The following TMEM181 variants were observed in gnomAD, a reference collection of about 807,000 sequenced individuals.
TMEM181 encodes the protein transmembrane protein 181.
In TMEM181, 39 loss-of-function variants were observed where a neutral mutation model predicts 71.9. The observed-to-expected ratio is 0.54, with a 90% CI of 0.42 to 0.71. The LOEUF (loss-of-function observed/expected upper bound fraction) is 0.71. Among genes scored for constraint, TMEM181 ranks in the 30% least tolerant of loss-of-function variants. The pLI is 0.00. For synonymous variants in TMEM181, 245 were observed against 228.8 expected, an observed-to-expected ratio of 1.07 and a Z score of -0.64; for missense variants, 595 against 583.0, an observed-to-expected ratio of 1.02 and a Z score of -0.21.
chr6:158,576,224 T>TA (rs1177384341), intron 2 of TMEM181, among the ~76,000 whole-genome samples: 3 of 152,206 alleles, frequency 2.0e-5, no homozygotes, highest in Non-Finnish European at 2.9e-5. Flanking sequence ...CAGTAGCAGG[T>TA]ACCCATCTTC....
At chr6:158,540,497 G>A (rs1389990322) in intron 1 of TMEM181, among the ~76,000 whole-genome samples, 1 of 152,182 alleles carries the variant, frequency 6.6e-6, no homozygotes, top group Non-Finnish European at 1.5e-5. Flanking sequence ...ATGGACAAAG[G>A]TAGCAGAGCG....
At chr6:158,545,703 T>C (rs2362571) in intron 1 of TMEM181, among the ~76,000 whole-genome samples, 138,980 of 151,438 alleles carry the variant, frequency 0.92, 63,856 homozygotes, top group East Asian at 1. Flanking sequence ...TTTTTAGAGA[T>C]GGGGTCTCAC....
At position 158,625,683 on chromosome 6, in the gene TMEM181, T is replaced by C. The variant is rs763105757; in HGVS notation, c.1058-20T>C. The C allele has an allele frequency of 6.3e-7, 1 of 1,594,800 alleles. No individual in the cohort carries two copies. Among genetic ancestry groups the C allele is most frequent in the Admixed American group, 1.8e-5 (1 of 54,934 alleles). Reference sequence around the variant, plus strand: ...TGGAATTTACTTCCAGAGTTGTTAATGAGTTTCTTTCTTTTTCAGATCTCA... The same window carrying C: ...TGGAATTTACTTCCAGAGTTGTTAACGAGTTTCTTTCTTTTTCAGATCTCA... On this transcript the variant is annotated intron_variant, in intron 12 of 16. Coordinates refer to ENST00000684151, the MANE Select transcript of TMEM181 (RefSeq NM_001376852.1).
chr6:158,581,954 T>TA (rs1325363489), intron 3 of TMEM181, among the ~76,000 whole-genome samples: 1 of 152,064 alleles, frequency 6.6e-6, no homozygotes, highest in East Asian at 1.9e-4. Flanking sequence ...GGCACCATGA[T>TA]ATATATAGTT....
chr6:158,634,189 G>A lies in TMEM181; in HGVS notation c.*2301G>A, dbSNP rs1171331977. The stretch of plus-strand genomic sequence containing the variant: ...TTAGAAAGTACTTAAGGGGAAAATC[G>A]TTCTTACTAAGTCATGTATTTTCAA... On this transcript the variant is annotated 3_prime_UTR_variant, in exon 17 of 17. Transcript: ENST00000684151. The A allele has an allele frequency of 1.3e-5, 2 of 152,064 alleles. No individual in the cohort carries two copies. The highest frequency in any genetic ancestry group is 2.1e-4 in the South Asian group (1 of 4,834). 9.4% of individuals were successfully genotyped at this position (152,064 alleles called of 1,614,324 possible).
chr6:158,629,236 A>AT (rs34506673), intron 14 of TMEM181, among the ~76,000 whole-genome samples: 5 of 151,948 alleles, frequency 3.3e-5, no homozygotes, highest in African/African-American at 4.8e-5. Flanking sequence ...TTAATATACG[A>AT]TTTTTTCAAA....
upstream of TMEM181, among the ~76,000 whole-genome samples, chr6:158,559,160 ACT>A (rs1361761235): frequency 3.3e-5 from 5 of 150,998 alleles, no homozygotes; most frequent in East Asian, 5.8e-4. Context: ...TTCAGCCCAA[ACT>A]CTGCATTCTG....
chr6:158,543,078 T>A (rs1781411864), intron 1 of TMEM181, among the ~76,000 whole-genome samples: 1 of 151,988 alleles, frequency 6.6e-6, no homozygotes, highest in African/African-American at 2.4e-5. Flanking sequence ...GGTTTTACCG[T>A]GTTAGCCAGG....
intron 5 of TMEM181, 93 bp from the exon 6 acceptor site, chr6:158,589,579 C>T (rs2128305049): frequency 2.2e-6 from 2 of 896,236 alleles, no homozygotes; most frequent in Middle Eastern, 2.2e-4. Flanking sequence ...TGAGTTCTGC[C>T]CATCTGCTGT....
chr6:158,569,469 A>C (rs1782685857), intron 1 of TMEM181, among the ~76,000 whole-genome samples: 1 of 152,208 alleles, frequency 6.6e-6, no homozygotes, highest in African/African-American at 2.4e-5. Context: ...TGATTGTTAA[A>C]CCAGGAAAAT....
At chr6:158,630,000 G>A (rs1786571489) in intron 15 of TMEM181, among the ~76,000 whole-genome samples, 181 bp downstream of exon 15, 1 of 152,178 alleles carries the variant, frequency 6.6e-6, no homozygotes, top group Admixed American at 6.5e-5. Context: ...CCCAGCATAT[G>A]TAGAACCTGC....
chr6:158,569,031 A>C lies in TMEM181; in HGVS notation c.9-4389A>C, dbSNP rs182854703. Among the ~76,000 whole-genome samples, 66 of 152,244 alleles carry C rather than the reference A, an allele frequency of 4.3e-4. 1 individual carries two copies. The East Asian group carries it at 0.012, about 27-fold the overall frequency. ...TCGCCCTGTTACCCAGGCTGAGTGC[A>C]GTGGTGCAGTCTTAGCTCACTGTAG... On this transcript the variant is annotated intron_variant, in intron 1 of 16. Coordinates refer to ENST00000684151, the MANE Select transcript of TMEM181 (RefSeq NM_001376852.1).
At chr6:158,565,453 T>G (rs1205418541) in intron 1 of TMEM181, among the ~76,000 whole-genome samples, 1 of 152,100 alleles carries the variant, frequency 6.6e-6, no homozygotes, top group Non-Finnish European at 1.5e-5. Context: ...GTTTTCTGGA[T>G]GGGGCTGCCA....
At chr6:158,552,975 A>C (rs1023694394) in intron 1 of TMEM181, among the ~76,000 whole-genome samples, 3 of 152,128 alleles carry the variant, frequency 2.0e-5, no homozygotes, top group Admixed American at 1.3e-4. Context: ...GGATCACTTG[A>C]GCCTAGTTTG....
chr6:158,573,607 C>T (rs542294940), intron 2 of TMEM181, 84 bp downstream of exon 2: 28 of 1,136,176 alleles, frequency 2.5e-5, no homozygotes, highest in Non-Finnish European at 3.5e-5. Flanking sequence ...AGCTGTGCCC[C>T]TATCTTCCAC....
intron 3 of TMEM181, among the ~76,000 whole-genome samples, chr6:158,581,344 T>C (rs1783460193): frequency 6.6e-6 from 1 of 152,248 alleles, no homozygotes; most frequent in African/African-American, 2.4e-5. Context: ...TCTCATCTTA[T>C]ATTTGCCCAG....
chr6:158,558,670 C>T (rs1372482744), upstream of TMEM181, among the ~76,000 whole-genome samples: 2 of 152,318 alleles, frequency 1.3e-5, no homozygotes, highest in African/African-American at 4.8e-5. Context: ...AGGGTGTCTT[C>T]TCTTTTATGT....
Position 158,571,541 on chromosome 6 carries a change from G to A in TMEM181, c.9-1879G>A, listed in dbSNP as rs755759077. Reference sequence around the variant, plus strand: ...TCTCAATCTCCTGACCTCGTGATCCGCCCGCCTTGGCCTCCCAAAGTGCTG... The same window carrying A: ...TCTCAATCTCCTGACCTCGTGATCCACCCGCCTTGGCCTCCCAAAGTGCTG... On this transcript the variant is annotated intron_variant, in intron 1 of 16. Coordinates refer to ENST00000684151, the MANE Select transcript of TMEM181 (RefSeq NM_001376852.1). Among the ~76,000 whole-genome samples the A allele has an allele frequency of 4.3e-4, 64 of 148,400 alleles. 12 individuals carry two copies. Among genetic ancestry groups the A allele is most frequent in the Non-Finnish European group, 6.9e-4 (46 of 66,708 alleles).
intron 6 of TMEM181, among the ~76,000 whole-genome samples, chr6:158,600,503 T>C (rs2128312054): frequency 7.6e-6 from 1 of 131,342 alleles, no homozygotes; most frequent in East Asian, 2.2e-4. Context: ...GGAATCTTGC[T>C]CTGTCGCCCA....
Sources: allele counts gnomAD v4.1 joint callset (sites outside exome capture counted in the v4.1 genomes callset), GRCh38; gene constraint gnomAD v4.1.1; transcripts MANE v1.5; gene names NCBI Gene and HGNC (gene_info 2026-07-23, HGNC 2026-07-21).